Variants in CTTNBP2NL observed in about 807,000 individuals in gnomAD.
CTTNBP2NL encodes the protein CTTNBP2 N-terminal like, also known as CTTNBP2 N-terminal-like protein.
Under a neutral mutation model 32.5 loss-of-function variants are expected in CTTNBP2NL, and 16 were observed. The ratio of observed to expected loss-of-function variants is 0.49; its 90% CI spans 0.33 to 0.75. The LOEUF is 0.75. CTTNBP2NL is among the 30% of genes least tolerant of loss of function. The probability of loss-of-function intolerance (pLI) is 0.02; values close to 1 mark genes in which losing one functional copy is unlikely to be tolerated. For synonymous variants in CTTNBP2NL, 298 were observed against 289.4 expected, an observed-to-expected ratio of 1.03 and a Z score of -0.30; for missense variants, 645 against 756.0, an observed-to-expected ratio of 0.85 and a Z score of 1.72.
At position 112,439,564 on chromosome 1, in the gene CTTNBP2NL, T is replaced by TA. The variant is rs143976145; in HGVS notation, c.100-9374dup. On this transcript the variant is annotated intron_variant, in intron 3 of 5. Transcript: ENST00000271277. Reference sequence around the variant, plus strand: ...TCACATCTTGTTTACTGAGCTCTTTTAAAATATATTAACCTTGAAGTTTTC... The same window carrying TA: ...TCACATCTTGTTTACTGAGCTCTTTTAAAAATATATTAACCTTGAAGTTTTC... Among the ~76,000 whole-genome samples the TA allele has an allele frequency of 6.2e-3, 942 of 152,310 alleles. 7 individuals carry two copies. Among genetic ancestry groups the TA allele is most frequent in the African/African-American group, 0.021 (884 of 41,544 alleles).
chr1:112,441,095 T>A (rs763711291), intron 3 of CTTNBP2NL, among the ~76,000 whole-genome samples: 4 of 152,172 alleles, frequency 2.6e-5, no homozygotes, highest in Non-Finnish European at 4.4e-5. Context: ...TCTTAAACAT[T>A]TCAATTCAAT....
At chr1:112,415,031 T>TA (rs1290228809) in intron 2 of CTTNBP2NL, 2 of 151,830 alleles carry the variant, frequency 1.3e-5, no homozygotes, top group African/African-American at 2.4e-5. Context: ...CTACAAACAA[T>TA]AAAAAATAAA....
At chr1:112,405,549 C>A (rs113934858) in intron 1 of CTTNBP2NL, among the ~76,000 whole-genome samples, 1 of 152,136 alleles carries the variant, frequency 6.6e-6, no homozygotes, top group Admixed American at 6.5e-5. Flanking sequence ...CTGCCTGCCT[C>A]GGCATTCCAA....
At position 112,448,950 on chromosome 1, in the gene CTTNBP2NL, C is replaced by T; in HGVS notation, c.108C>T (p.His36=). 6.3e-7 allele frequency: 1 copy of T among 1,599,584 alleles called. No homozygotes were observed. The highest frequency in any genetic ancestry group is 8.6e-7 in the Non-Finnish European group (1 of 1,167,166). ...TTTTTCCTCTTTCCCAGGCCCAACA[C>T]AGAGATACTTTCATTGAAGAACGCT... ...DLVIEALKAQ[H]RDTFIEERYG... The change falls in exon 4 of 6, where the codon CAC becomes CAT. Residue 36 remains histidine (H), a synonymous_variant. Coordinates refer to ENST00000271277, the MANE Select transcript of CTTNBP2NL (RefSeq NM_018704.3).
Position 112,410,333 on chromosome 1 carries a change from G to C in CTTNBP2NL, c.-133-1861G>C, listed in dbSNP as rs572003039. ...CTTGAACCCGGGAGGCGAAGGCTGCGGTGATCAAGATCGTGCCATTGCACT... is the reference window on the plus strand; with the variant it reads ...CTTGAACCCGGGAGGCGAAGGCTGCCGTGATCAAGATCGTGCCATTGCACT... On this transcript the variant is annotated intron_variant, in intron 1 of 5. Coordinates refer to ENST00000271277, the MANE Select transcript of CTTNBP2NL (RefSeq NM_018704.3). 6.6e-5 allele frequency among the ~76,000 whole-genome samples: 10 copies of C among 151,668 alleles called. No individual in the cohort carries two copies. The South Asian group carries it at 2.1e-3, about 32-fold the overall frequency.
rs569785369 is a variant in CTTNBP2NL, at chr1:112,433,530, T to C, written c.100-15412T>C. Among the ~76,000 whole-genome samples the C allele has an allele frequency of 1.2e-4, 18 of 152,298 alleles. No individual in the cohort carries two copies. In the South Asian group the frequency reaches 1.7e-3, roughly 14 times the overall value. On this transcript the variant is annotated intron_variant, in intron 3 of 5. Coordinates refer to ENST00000271277, the MANE Select transcript of CTTNBP2NL (RefSeq NM_018704.3). Reference sequence around the variant, plus strand: ...TGGCTTAAACCCGGGAGGCACAGGTTGCAGTGAGCCAAGATTGTGCCACTG... The same window carrying C: ...TGGCTTAAACCCGGGAGGCACAGGTCGCAGTGAGCCAAGATTGTGCCACTG...
intron 3 of CTTNBP2NL, among the ~76,000 whole-genome samples, chr1:112,421,679 C>T (rs1649237647): frequency 6.6e-6 from 1 of 150,996 alleles, no homozygotes; most frequent in Non-Finnish European, 1.5e-5. Context: ...CAGTTCTTCT[C>T]AATTAAATCT....
chr1:112,449,826 T>C (rs996127100), intron 4 of CTTNBP2NL, among the ~76,000 whole-genome samples: 4 of 152,026 alleles, frequency 2.6e-5, no homozygotes, highest in South Asian at 4.1e-4. Context: ...TTTAAAGCTG[T>C]TCTACCCTAT....
At chr1:112,446,868 TAAG>T (rs769534516) in intron 3 of CTTNBP2NL, among the ~76,000 whole-genome samples, 50 of 152,158 alleles carry the variant, frequency 3.3e-4, no homozygotes, top group South Asian at 6.2e-4. Context: ...TGTTTTAAAA[TAAG>T]AAGAAGAATG....
At chr1:112,444,931 G>A (rs1432317775) in intron 3 of CTTNBP2NL, among the ~76,000 whole-genome samples, 1 of 152,136 alleles carries the variant, frequency 6.6e-6, no homozygotes, top group Non-Finnish European at 1.5e-5. Context: ...ATTTACCAGA[G>A]TTGGTCTGTG....
At chr1:112,399,935 G>A (rs1287775785) in intron 1 of CTTNBP2NL, among the ~76,000 whole-genome samples, 2 of 152,178 alleles carry the variant, frequency 1.3e-5, no homozygotes, top group East Asian at 3.9e-4. Flanking sequence ...CAGGCATGGT[G>A]ATGGTCACCT....
intron 5 of CTTNBP2NL, 80 bp downstream of exon 5, chr1:112,454,636 G>A (rs1570747510): frequency 1.9e-6 from 2 of 1,041,500 alleles, no homozygotes; most frequent in South Asian, 1.3e-5. Flanking sequence ...ATGCCAACTG[G>A]TATTGTTCAG....
intron 1 of CTTNBP2NL, among the ~76,000 whole-genome samples, chr1:112,403,071 G>C (rs1648552211): frequency 6.6e-6 from 1 of 152,062 alleles, no homozygotes; most frequent in Admixed American, 6.5e-5. Context: ...GTCATTTACT[G>C]TAAGTAAATT....
At chr1:112,412,643 G>C (rs1033599678) in intron 2 of CTTNBP2NL, among the ~76,000 whole-genome samples, 17 of 116,492 alleles carry the variant, frequency 1.5e-4, no homozygotes, top group Non-Finnish European at 2.6e-4. Context: ...TTGACACAGA[G>C]TCTCACTGTG....
intron 1 of CTTNBP2NL, among the ~76,000 whole-genome samples, chr1:112,401,452 A>G (rs1379731785): frequency 6.6e-6 from 1 of 152,216 alleles, no homozygotes. Context: ...AAGCTCTACT[A>G]TCTTTAAGTA....
intron 3 of CTTNBP2NL, among the ~76,000 whole-genome samples, chr1:112,433,864 A>G (rs951248530): frequency 8.1e-5 from 12 of 147,410 alleles, no homozygotes; most frequent in African/African-American, 3.0e-4. Flanking sequence ...GCTGTGTCAT[A>G]CTCCATAATA....
intron 1 of CTTNBP2NL, among the ~76,000 whole-genome samples, chr1:112,405,743 A>G (rs188018963): frequency 1.3e-5 from 2 of 152,376 alleles, no homozygotes; most frequent in East Asian, 3.9e-4. Context: ...AGACAGAGAA[A>G]GAGATGTGTA....
chr1:112,446,939 G>A (rs1650060460), intron 3 of CTTNBP2NL, among the ~76,000 whole-genome samples: 1 of 152,006 alleles, frequency 6.6e-6, no homozygotes, highest in Non-Finnish European at 1.5e-5. Flanking sequence ...AGGTTATTTT[G>A]AAATTTTACT....
chr1:112,391,378 C>T (rs116451651), upstream of CTTNBP2NL, among the ~76,000 whole-genome samples: 400 of 152,330 alleles, frequency 2.6e-3, 3 homozygotes, highest in African/African-American at 9.1e-3. Flanking sequence ...TCAACTTCTA[C>T]ATCTAGCTCA....
Sources: gnomAD v4.1 joint callset for allele counts (sites outside exome capture counted in the v4.1 genomes callset) on GRCh38, gnomAD v4.1.1 for gene constraint, MANE v1.5 for transcripts, NCBI Gene and HGNC (gene_info 2026-07-23, HGNC 2026-07-21) for gene names.